The following POTEF variants were observed in gnomAD, a reference collection of about 807,000 sequenced individuals.
The protein encoded by POTEF is POTE ankyrin domain family member F.
In POTEF, 20 loss-of-function variants were observed where a neutral mutation model predicts 83.2. That is an observed-to-expected ratio of 0.24 (90% CI 0.17 to 0.35). POTEF has a LOEUF of 0.35. Ranked by LOEUF, POTEF falls within the 10% of genes least tolerant of loss-of-function variation. The probability of loss-of-function intolerance (pLI) is 1.00; values close to 1 mark genes in which losing one functional copy is unlikely to be tolerated. For synonymous variants in POTEF, 196 were observed against 446.4 expected, an observed-to-expected ratio of 0.44 and a Z score of 7.07; for missense variants, 550 against 1,203.2, an observed-to-expected ratio of 0.46 and a Z score of 8.03.
rs1573612851 is a variant in POTEF, at chr2:130,114,377, CTCT to C, written c.810+501_810+503del. 7.4e-5 allele frequency among the ~76,000 whole-genome samples: 11 copies of C among 149,122 alleles called. No individual in the cohort carries two copies. In the East Asian group the frequency reaches 2.2e-3, roughly 29 times the overall value. On this transcript the variant is annotated intron_variant, in intron 5 of 16. Transcript: ENST00000409914. ...ATTGGCCTTGATATTTCTGATTGCT[CTCT>C]TTTTTGCTTTCCACTTCTGGCTCAT... is the stretch of plus-strand genomic sequence containing the variant.
chr2:130,110,390 G>C (rs1334112295), intron 7 of POTEF, among the ~76,000 whole-genome samples, 153 bp downstream of exon 7: 1 of 151,164 alleles, frequency 6.6e-6, no homozygotes, highest in Admixed American at 6.6e-5. Flanking sequence ...CTTTTTGTCT[G>C]ATTTCTGGCT....
chr2:130,087,617 T>A (rs1684039182), intron 13 of POTEF, among the ~76,000 whole-genome samples: 1 of 98,754 alleles, frequency 1.0e-5, no homozygotes, highest in South Asian at 3.5e-4. Flanking sequence ...CAATAAATTT[T>A]AAGAATCTAT....
At position 130,075,033 on chromosome 2, in the gene POTEF, C is replaced by T. The variant is rs1322535614; in HGVS notation, c.2439G>A (p.Lys813=). The stretch of plus-strand genomic sequence containing the variant: ...TCTGGGTCATCTTCTCGCGGTTGGC[C>T]TTAGGGTTCAGGGTGGCCTCGGTCA... The part of the protein sequence containing the change: ...VLLTEATLNP[K]ANREKMTQIM... Residue 813 remains lysine (K), a synonymous_variant, in exon 17 of 17, where the codon AAG becomes AAA. Coordinates refer to ENST00000409914, the MANE Select transcript of POTEF (RefSeq NM_001099771.2). 3 of 1,613,580 alleles carry T rather than the reference C, an allele frequency of 1.9e-6. No homozygotes were observed. In the Admixed American group the frequency reaches 5.0e-5, roughly 27 times the overall value.
intron 1 of POTEF, among the ~76,000 whole-genome samples, chr2:130,128,424 G>A (rs1227177395): frequency 4.6e-5 from 7 of 151,566 alleles, no homozygotes; most frequent in East Asian, 1.9e-4. Context: ...CTCTGCAGCC[G>A]ACCAACACCA....
In POTEF at chr2:130,119,409, G is replaced by A. The variant is rs537099609; in HGVS notation, c.521+586C>T. 1.5e-3 allele frequency among the ~76,000 whole-genome samples: 223 copies of A among 151,820 alleles called. 1 individual carries two copies. The highest frequency in any genetic ancestry group is 5.2e-3 in the African/African-American group (214 of 41,266). ...TCTCAATCTCCTGACCTCATGATCC[G>A]CCCGCCTCCCAAAGTGCTGGGATTA... On this transcript the variant is annotated intron_variant, in intron 3 of 16. Coordinates refer to ENST00000409914, the MANE Select transcript of POTEF (RefSeq NM_001099771.2).
At position 130,120,007 on chromosome 2, in the gene POTEF, T is replaced by C; in HGVS notation, c.509A>G (p.Asp170Gly). 1 of 1,170,696 alleles carries C rather than the reference T, an allele frequency of 8.5e-7. No individual in the cohort carries two copies. Among genetic ancestry groups the C allele is most frequent in the South Asian group, 1.3e-5 (1 of 76,318 alleles). 72.5% of individuals were successfully genotyped at this position (1,170,696 alleles called of 1,614,324 possible). A position where few individuals can be genotyped will look rare whatever the true frequency, so the allele number is the denominator to read the frequency against. Residue 170 changes from aspartate to glycine, a missense_variant, in exon 3 of 17, where the codon GAC becomes GGC. Physicochemically the swap from Asp to Gly is moderately conservative, Grantham distance 94. Coordinates refer to ENST00000409914, the MANE Select transcript of POTEF (RefSeq NM_001099771.2). Reference protein sequence around the residue: ...MLRDTDVNKQDKQKRTALHLA... With the variant: ...MLRDTDVNKQGKQKRTALHLA... The stretch of plus-strand genomic sequence containing the variant: ...CAGGCCTGGTTACCTCTTTTGCTTG[T>C]CCTGCTTGTTCACGTCAGTGTCCCT...
At chr2:130,108,517 A>G (rs955905987) in intron 7 of POTEF, among the ~76,000 whole-genome samples, 1 of 151,470 alleles carries the variant, frequency 6.6e-6, no homozygotes, top group Non-Finnish European at 1.5e-5. Context: ...TCAGAGAAAT[A>G]GTAAAGCAAT....
chr2:130,118,832 A>G (rs1423803563), intron 3 of POTEF, among the ~76,000 whole-genome samples: 1 of 151,648 alleles, frequency 6.6e-6, no homozygotes, highest in Non-Finnish European at 1.5e-5. Context: ...AAATCTAGCT[A>G]GTTTTCTCCA....
intron 1 of POTEF, 55 bp downstream of exon 1, chr2:130,129,017 T>G (rs1685173146): frequency 9.4e-6 from 1 of 106,568 alleles, no homozygotes. Context: ...TGAGCCCCAA[T>G]AGGACACCCA....
intron 3 of POTEF, among the ~76,000 whole-genome samples, chr2:130,118,569 C>T (rs1277796513): frequency 2.0e-5 from 3 of 149,770 alleles, no homozygotes; most frequent in African/African-American, 4.9e-5. Context: ...TGGTGGCAGG[C>T]GCCTGTAATC....
intron 2 of POTEF, among the ~76,000 whole-genome samples, chr2:130,123,330 T>G (rs1465990669): frequency 6.6e-6 from 1 of 151,354 alleles, no homozygotes; most frequent in African/African-American, 2.4e-5. Context: ...TATCATTGGG[T>G]CTAGCCAAGA....
intron 5 of POTEF, among the ~76,000 whole-genome samples, chr2:130,113,671 A>T (rs574396658): frequency 7.1e-6 from 1 of 139,908 alleles, no homozygotes; most frequent in East Asian, 2.1e-4. Context: ...GGCTTCAAGG[A>T]AACATTTTCA....
At chr2:130,116,295 T>G (rs926649553) in intron 3 of POTEF, among the ~76,000 whole-genome samples, 1 of 151,248 alleles carries the variant, frequency 6.6e-6, no homozygotes, top group South Asian at 2.1e-4. Context: ...TTAAGACTGT[T>G]ATAAATTTTC....
At chr2:130,078,954 T>G (rs1223246566) in intron 15 of POTEF, among the ~76,000 whole-genome samples, 2 of 75,226 alleles carry the variant, frequency 2.7e-5, no homozygotes, top group African/African-American at 1.3e-4. Context: ...TCAAGATGGA[T>G]GAAAGGCCTA....
intron 2 of POTEF, among the ~76,000 whole-genome samples, chr2:130,126,462 A>G (rs1311206599): frequency 1.3e-5 from 2 of 152,034 alleles, no homozygotes; most frequent in Non-Finnish European, 2.9e-5. Flanking sequence ...GTTTGCCACC[A>G]ATATTTTTAT....
intron 9 of POTEF, among the ~76,000 whole-genome samples, chr2:130,101,527 A>G (rs1684373630): frequency 1.3e-5 from 2 of 149,868 alleles, no homozygotes. Context: ...CTGAACAGAA[A>G]CGCTGAGGTC....
intron 3 of POTEF, among the ~76,000 whole-genome samples, chr2:130,119,223 G>C (rs1413461371): frequency 6.6e-6 from 1 of 151,162 alleles, no homozygotes; most frequent in Non-Finnish European, 1.5e-5. Flanking sequence ...GAGTGCAGTG[G>C]CACTATCTCG....
At chr2:130,090,681 G>A (rs1684100795) in intron 12 of POTEF, among the ~76,000 whole-genome samples, 2 of 143,452 alleles carry the variant, frequency 1.4e-5, no homozygotes, top group East Asian at 2.0e-4. Flanking sequence ...AAAGAAAACT[G>A]CCAACTATTA....
chr2:130,107,126 C>T (rs535399545), intron 8 of POTEF, among the ~76,000 whole-genome samples: 8 of 138,260 alleles, frequency 5.8e-5, no homozygotes, highest in East Asian at 2.1e-4. Flanking sequence ...TAGCGTGAAA[C>T]GTTTTTCTGC....
Sources: gnomAD v4.1 joint callset for allele counts (sites outside exome capture counted in the v4.1 genomes callset) on GRCh38, gnomAD v4.1.1 for gene constraint, MANE v1.5 for transcripts, NCBI Gene and HGNC (gene_info 2026-07-23, HGNC 2026-07-21) for gene names.